The following PEX5L variants were observed in gnomAD, a reference collection of about 807,000 sequenced individuals.
The protein encoded by PEX5L is PEX5-related protein.
A neutral mutation model predicts 84.0 loss-of-function variants in PEX5L; 30 were observed. The ratio of observed to expected loss-of-function variants is 0.36; its 90% confidence interval spans 0.27 to 0.48. The LOEUF is 0.48. Ranked by LOEUF, PEX5L falls within the 20% of genes least tolerant of loss-of-function variation. The pLI, the probability that PEX5L is intolerant of heterozygous loss-of-function variation, is 0.99. For missense variants in PEX5L, 533 were observed against 754.6 expected, an observed-to-expected ratio of 0.71 and a Z score of 3.44; for synonymous variants, 270 against 283.1, an observed-to-expected ratio of 0.95 and a Z score of 0.46.
In PEX5L at chr3:180,012,924, CA is replaced by C. The variant is rs1295310830; in HGVS notation, c.21+23654del. On this transcript the variant is annotated intron_variant, in intron 1 of 14. Coordinates refer to ENST00000467460, the MANE Select transcript of PEX5L (RefSeq NM_016559.3). ...ACTGAAAAAAATCAAGTATTCATAA[CA>C]TGGAGCTTAAAAGAATAAAATTCTA... Among the ~76,000 whole-genome samples the C allele has an allele frequency of 4.6e-5, 7 of 152,042 alleles. No homozygotes were observed. The South Asian group carries it at 8.3e-4, about 18-fold the overall frequency.
At chr3:179,962,828 A>T (rs1782399419) in intron 2 of PEX5L, among the ~76,000 whole-genome samples, 1 of 152,194 alleles carries the variant, frequency 6.6e-6, no homozygotes, top group African/African-American at 2.4e-5. Context: ...CATCATTTTT[A>T]CACTCAACCT....
chr3:179,937,742 T>C (rs1490782898), intron 2 of PEX5L, among the ~76,000 whole-genome samples: 1 of 152,222 alleles, frequency 6.6e-6, no homozygotes, highest in Non-Finnish European at 1.5e-5. Flanking sequence ...TTGGTAACTC[T>C]GGAACCTTAG....
chr3:180,010,700 G>A (rs1789389521), intron 1 of PEX5L, among the ~76,000 whole-genome samples: 1 of 151,664 alleles, frequency 6.6e-6, no homozygotes, highest in African/African-American at 2.4e-5. Flanking sequence ...TTCTCATCTA[G>A]TATCAATCTC....
intron 8 of PEX5L, among the ~76,000 whole-genome samples, chr3:179,824,875 G>C (rs1729834741): frequency 6.6e-6 from 1 of 152,220 alleles, no homozygotes; most frequent in Non-Finnish European, 1.5e-5. Flanking sequence ...AGTCCAGGCT[G>C]GCCAACGGTA....
intron 1 of PEX5L, among the ~76,000 whole-genome samples, chr3:179,981,976 T>C (rs1487963223): frequency 6.6e-6 from 1 of 152,196 alleles, no homozygotes; most frequent in East Asian, 1.9e-4. Flanking sequence ...AAGAAATATA[T>C]TTACTTAAAT....
At chr3:179,984,565 G>T (rs2110343058) in intron 1 of PEX5L, among the ~76,000 whole-genome samples, 1 of 152,236 alleles carries the variant, frequency 6.6e-6, no homozygotes, top group South Asian at 2.1e-4. Context: ...GACGCATGGA[G>T]ACAAATGTTT....
intron 1 of PEX5L, among the ~76,000 whole-genome samples, chr3:180,007,500 G>C (rs1789021753): frequency 6.6e-6 from 1 of 152,230 alleles, no homozygotes; most frequent in Non-Finnish European, 1.5e-5. Context: ...CGATTAGGCA[G>C]TGCCCCAGTA....
chr3:179,887,913 A>C, intron 3 of PEX5L, 129 bp from the exon 4 acceptor site: 10 of 688,590 alleles, frequency 1.5e-5, no homozygotes, highest in Non-Finnish European at 1.5e-5. Context: ...TAAATAAATA[A>C]TGGGGTGGGG....
intron 8 of PEX5L, among the ~76,000 whole-genome samples, chr3:179,844,809 G>A (rs745344518): frequency 1.8e-4 from 28 of 152,128 alleles, no homozygotes; most frequent in East Asian, 3.9e-4. Flanking sequence ...CAGCCTGGGC[G>A]ACAGAGCGAG....
intron 2 of PEX5L, among the ~76,000 whole-genome samples, chr3:179,960,570 AG>A (rs1781762410): frequency 6.6e-6 from 1 of 152,238 alleles, no homozygotes; most frequent in Non-Finnish European, 1.5e-5. Context: ...TCCTGATCCA[AG>A]GGTATGATTT....
intron 2 of PEX5L, among the ~76,000 whole-genome samples, chr3:179,907,468 G>A (rs1191002141): frequency 1.3e-5 from 2 of 151,932 alleles, no homozygotes; most frequent in African/African-American, 2.4e-5. Context: ...GTGCACCACC[G>A]TGTTTGGCTA....
At chr3:180,035,923 G>T (rs1267510935) in intron 1 of PEX5L, among the ~76,000 whole-genome samples, 4 of 152,166 alleles carry the variant, frequency 2.6e-5, no homozygotes, top group Non-Finnish European at 5.9e-5. Flanking sequence ...AGAGTAGAGT[G>T]TGTTTGCATC....
intron 2 of PEX5L, among the ~76,000 whole-genome samples, chr3:179,966,198 C>G (rs1378621830): frequency 6.6e-6 from 1 of 152,112 alleles, no homozygotes; most frequent in Non-Finnish European, 1.5e-5. Context: ...TGTGCTGTGT[C>G]CTTCGAATGT....
intron 10 of PEX5L, 82 bp from the exon 11 acceptor site, chr3:179,811,953 G>A (rs1724057361): frequency 3.8e-6 from 4 of 1,057,994 alleles, no homozygotes; most frequent in South Asian, 3.8e-5. Context: ...ACCTGTGATG[G>A]ATCCCCTATG....
At chr3:179,884,800 T>C (rs1755237180) in intron 4 of PEX5L, among the ~76,000 whole-genome samples, 1 of 152,164 alleles carries the variant, frequency 6.6e-6, no homozygotes, top group Non-Finnish European at 1.5e-5. Context: ...CAAGGAATGA[T>C]TTAAATAGTT....
intron 2 of PEX5L, among the ~76,000 whole-genome samples, chr3:179,917,562 C>A (rs576192792): frequency 1.4e-3 from 206 of 152,284 alleles, no homozygotes; most frequent in African/African-American, 4.5e-3. Context: ...GACATTAGCA[C>A]TGCTATGATG....
chr3:180,005,602 G>A (rs116790357), intron 1 of PEX5L, among the ~76,000 whole-genome samples: 4,038 of 152,164 alleles, frequency 0.027, 170 homozygotes, highest in African/African-American at 0.093. Context: ...GGTGGTGGGC[G>A]CCTGTAGTCT....
intron 1 of PEX5L, among the ~76,000 whole-genome samples, chr3:180,007,853 C>T (rs1358167782): frequency 6.6e-6 from 1 of 152,234 alleles, no homozygotes; most frequent in East Asian, 1.9e-4. Context: ...AGTGCAGGGA[C>T]CCTGGGCCTG....
intron 2 of PEX5L, among the ~76,000 whole-genome samples, chr3:179,901,750 A>T (rs1761417271): frequency 6.6e-6 from 1 of 152,196 alleles, no homozygotes; most frequent in South Asian, 2.1e-4. Context: ...TTCACTTAGG[A>T]AATATACAGA....
Sources: allele counts gnomAD v4.1 joint callset (sites outside exome capture counted in the v4.1 genomes callset), GRCh38; gene constraint gnomAD v4.1.1; transcripts MANE v1.5; gene names NCBI Gene and HGNC (gene_info 2026-07-23, HGNC 2026-07-21).